The following RNF44 variants were observed in gnomAD, a reference collection of about 807,000 sequenced individuals.
RNF44 encodes ring finger protein 44.
RNF44 carries 25 observed loss-of-function variants against 53.6 expected under a neutral mutation model. That is an observed-to-expected ratio of 0.47 (90% confidence interval 0.34 to 0.65). The LOEUF (loss-of-function observed/expected upper bound fraction) is 0.65. Among genes scored for constraint, RNF44 ranks in the 30% least tolerant of loss-of-function variants. The pLI is 0.01. For synonymous variants in RNF44, 282 were observed against 252.2 expected (o/e 1.12, Z -1.12); for missense variants, 581 against 595.5 (o/e 0.98, Z 0.25).
At position 176,529,016 on chromosome 5, in the gene RNF44, G is replaced by A. The variant is rs572175854; in HGVS notation, c.*12C>T. 7.4e-5 allele frequency: 119 copies of A among 1,609,830 alleles called. 1 individual carries two copies. The South Asian group carries it at 7.9e-4, about 11-fold the overall frequency. On this transcript the variant is annotated 3_prime_UTR_variant, in exon 11 of 11. Coordinates refer to ENST00000274811, the MANE Select transcript of RNF44 (RefSeq NM_014901.5). ...TCAGGCAGGGTTCTCCCGGGCAGGC[G>A]GCTGCGTGGCCTCACTCAGCCTCCC... is the stretch of plus-strand genomic sequence containing the variant.
At chr5:176,533,815 T>C (rs1238355074) in intron 1 of RNF44, among the ~76,000 whole-genome samples, 1 of 152,214 alleles carries the variant, frequency 6.6e-6, no homozygotes, top group South Asian at 2.1e-4. Flanking sequence ...GGAAAAGCTC[T>C]AGAACCTGTC....
chr5:176,534,950 C>T (rs1460248688), intron 1 of RNF44, among the ~76,000 whole-genome samples: 1 of 152,242 alleles, frequency 6.6e-6, no homozygotes, highest in Non-Finnish European at 1.5e-5. Flanking sequence ...TGAGTAGTGC[C>T]AGGCCCAAGG....
In RNF44 at chr5:176,532,763, A is replaced by AAG. The variant is rs1554138173; in HGVS notation, c.-44-248_-44-247insCT. On this transcript the variant is annotated intron_variant, in intron 1 of 10. Transcript: ENST00000274811. Reference sequence around the variant, plus strand: ...CTCCCGTCTCAAAAAAAAAAAAAAAAAAAGAAAGAAACTGAGGCACAGAGA... The same window carrying AAG: ...CTCCCGTCTCAAAAAAAAAAAAAAAAAGAAAGAAAGAAACTGAGGCACAGAGA... Among the ~76,000 whole-genome samples, 130 of 141,940 alleles carry AAG rather than the reference A, an allele frequency of 9.2e-4. 1 individual carries two copies. The highest frequency in any genetic ancestry group is 3.5e-3 in the African/African-American group (124 of 35,480). 93.1% of individuals were successfully genotyped at this position (141,940 alleles called of 152,430 possible).
At chr5:176,536,086 G>C (rs765606198) in intron 1 of RNF44, 1 of 152,270 alleles carries the variant, frequency 6.6e-6, no homozygotes, top group Non-Finnish European at 1.5e-5. Flanking sequence ...CTGGGGGCAT[G>C]AGCAGACTCA....
Position 176,531,608 on chromosome 5 carries a change from A to G in RNF44, c.320T>C (p.Leu107Pro). Reference sequence around the variant, plus strand: ...CGTCACTGTGGTGACCGTGTAGGACAGAGGGACAGGTCCCTGGTGCACCTG... The same window carrying G: ...CGTCACTGTGGTGACCGTGTAGGACGGAGGGACAGGTCCCTGGTGCACCTG... ...HEQVHQGPVP[L>P]SYTVTTVTTQ... Residue 107 changes from leucine (L) to proline (P), a missense_variant, in exon 4 of 11, where the codon CTG becomes CCG. Physicochemically the swap from Leu to Pro is moderately conservative, Grantham distance 98. Coordinates refer to ENST00000274811, the MANE Select transcript of RNF44 (RefSeq NM_014901.5). This position sits in a 1 kb window ranked among gnomAD's most constrained non-coding sequence, Gnocchi z 4.2. 6.2e-7 allele frequency: 1 copy of G among 1,612,126 alleles called. No individual in the cohort carries two copies. Among genetic ancestry groups the G allele is most frequent in the South Asian group, 1.1e-5 (1 of 90,932 alleles).
chr5:176,540,212 G>T (rs1191139739), upstream of RNF44, among the ~76,000 whole-genome samples: 2 of 152,098 alleles, frequency 1.3e-5, no homozygotes, highest in African/African-American at 2.4e-5. Flanking sequence ...TTTTAAGTGC[G>T]CAGACGTCCA....
Position 176,530,016 on chromosome 5 carries a change from T to C in RNF44, c.926+66A>G, listed in dbSNP as rs369545762. On this transcript the variant is annotated intron_variant, in intron 7 of 10. Transcript: ENST00000274811. ...TGGGGCCCCTGGAGCTGTGTTTAGGTCTAACCACTGGAGGTTCCAGGAGAA... is the reference window on the plus strand; with the variant it reads ...TGGGGCCCCTGGAGCTGTGTTTAGGCCTAACCACTGGAGGTTCCAGGAGAA... 6 of 1,466,976 alleles carry C rather than the reference T, an allele frequency of 4.1e-6. No homozygotes were observed. The African/African-American group carries it at 7.1e-5, about 17-fold the overall frequency. 90.9% of individuals were successfully genotyped at this position (1,466,976 alleles called of 1,614,324 possible). A position where few individuals can be genotyped will look rare whatever the true frequency, so the allele number is the denominator to read the frequency against.
rs1056758934 is a variant in RNF44 at position 176,531,483 on chromosome 5, G to A, written c.445C>T (p.Leu149Phe). Residue 149 changes from leucine to phenylalanine, a missense_variant, in exon 4 of 11, where the codon CTC becomes TTC. By Grantham distance (22) the Leu-to-Phe change is conservative. Around this residue, in one of 3 missense-constraint regions of RNF44, gnomAD observed 387 missense variants for 366.0 expected, o/e 1.06. Transcript: ENST00000274811. This position sits in a 1 kb window ranked among gnomAD's most constrained non-coding sequence, Gnocchi z 4.2. ...SVMFSGQHYP[L>F]CCLPPPLIQA... ...CTCACCGGGGGCGGGAGGCAGCAGA[G>A]GGGGTAATGCTGCCCACTGAACATC... 4 of 1,573,972 alleles carry A rather than the reference G, an allele frequency of 2.5e-6. No homozygotes were observed. The highest frequency in any genetic ancestry group is 1.9e-5 in the Admixed American group (1 of 53,410).
rs1368449877 is a variant in RNF44 at position 176,529,098 on chromosome 5, A to C, written c.1237-8T>G. ...GGGACACGTCCGGTTGGCCTGTGGG[A>C]ACATGCACGTCAGGCGTTGCTCTCA... On this transcript the variant is annotated splice_polypyrimidine_tract_variant and splice_region_variant and intron_variant, in intron 10 of 10. Transcript: ENST00000274811. 3 of 1,613,000 alleles carry C rather than the reference A, an allele frequency of 1.9e-6. No homozygotes were observed. Among genetic ancestry groups the C allele is most frequent in the Admixed American group, 1.7e-5 (1 of 59,982 alleles).
At chr5:176,538,222 A>G (rs1215698398), upstream of RNF44, among the ~76,000 whole-genome samples, 1 of 152,222 alleles carries the variant, frequency 6.6e-6, no homozygotes, top group Non-Finnish European at 1.5e-5. Flanking sequence ...AGCCAGGGAA[A>G]CTGGGAACTA....
intron 1 of RNF44, among the ~76,000 whole-genome samples, chr5:176,533,118 G>T (rs529234602): frequency 7.2e-5 from 11 of 152,156 alleles, no homozygotes; most frequent in Non-Finnish European, 1.5e-4. Flanking sequence ...TTACACCAGG[G>T]GCTACAACTT....
At position 176,531,857 on chromosome 5, in the gene RNF44, C is replaced by T. The variant is rs958798817; in HGVS notation, c.297+147G>A. On this transcript the variant is annotated intron_variant, in intron 3 of 10. Transcript: ENST00000274811. The surrounding 1 kb of genome is among the most constrained non-coding windows in gnomAD (Gnocchi z 4.2). ...CACCCAGTGTGGCCCTTTCCCCGGGCCTCAGTTTACCTACCTGTAAAGCAG... is the reference window on the plus strand; with the variant it reads ...CACCCAGTGTGGCCCTTTCCCCGGGTCTCAGTTTACCTACCTGTAAAGCAG... 9 of 961,850 alleles carry T rather than the reference C, an allele frequency of 9.4e-6. No individual in the cohort carries two copies. The African/African-American group carries it at 1.5e-4, about 16-fold the overall frequency. The allele number at this position is 961,850 out of a possible 1,614,324, so 59.6% of individuals were successfully genotyped here.
rs1756129702 is a variant in RNF44 at position 176,527,465 on chromosome 5, T to A, written c.*1563A>T. On this transcript the variant is annotated 3_prime_UTR_variant, in exon 11 of 11. Transcript: ENST00000274811. ...GGAAGGGAGGGGTTGGAGAGGGTGG[T>A]TCTGTGTAAAACACGTGGGTTTTCA... The A allele has an allele frequency of 6.6e-6, 1 of 152,512 alleles. No individual in the cohort carries two copies. Among genetic ancestry groups the A allele is most frequent in the Non-Finnish European group, 1.5e-5 (1 of 68,042 alleles). The allele number at this position is 152,512 out of a possible 1,614,324, so 9.4% of individuals were successfully genotyped here.
rs1756649962 is a variant in RNF44 at position 176,531,441 on chromosome 5, G to A, written c.465+22C>T. 6.5e-7 allele frequency: 1 copy of A among 1,543,324 alleles called. No individual in the cohort carries two copies. The highest frequency in any genetic ancestry group is 8.7e-7 in the Non-Finnish European group (1 of 1,144,068). ...CCTGGGGCTTGCAGCTGGTGGAGGA[G>A]GAGCTAGAAACACTCACTCACCGGG... is the stretch of plus-strand genomic sequence containing the variant. On this transcript the variant is annotated intron_variant, in intron 4 of 10. Transcript: ENST00000274811. The surrounding 1 kb of genome is among the most constrained non-coding windows in gnomAD (Gnocchi z 4.2).
rs973535465 is a variant in RNF44, at chr5:176,528,389, C to T, written c.*639G>A. ...GCCCCTCAGGATACGTGTGCCCCAG[C>T]TCGGGATTAGGCTGGGACGCCCTCC... On this transcript the variant is annotated 3_prime_UTR_variant, in exon 11 of 11. Transcript: ENST00000274811. The T allele has an allele frequency of 6.6e-6, 1 of 152,380 alleles. No homozygotes were observed. Among genetic ancestry groups the T allele is most frequent in the African/African-American group, 2.4e-5 (1 of 41,412 alleles). 9.4% of individuals were successfully genotyped at this position (152,380 alleles called of 1,614,324 possible).
Position 176,531,384 on chromosome 5 carries a change from C to A in RNF44, c.465+79G>T. On this transcript the variant is annotated intron_variant, in intron 4 of 10. Transcript: ENST00000274811. This position sits in a 1 kb window ranked among gnomAD's most constrained non-coding sequence, Gnocchi z 4.2. Reference sequence around the variant, plus strand: ...CTGGATAGCTCAGCCCAGTTCAGGGCTGCCCTGGGCCCGCTGAGCCGCTGG... The same window carrying A: ...CTGGATAGCTCAGCCCAGTTCAGGGATGCCCTGGGCCCGCTGAGCCGCTGG... The A allele has an allele frequency of 7.1e-7, 1 of 1,417,420 alleles. No homozygotes were observed. Among genetic ancestry groups the A allele is most frequent in the Non-Finnish European group, 9.5e-7 (1 of 1,053,498 alleles). 87.8% of individuals were successfully genotyped at this position (1,417,420 alleles called of 1,614,324 possible).
chr5:176,534,849 C>T (rs1757015396), intron 1 of RNF44, among the ~76,000 whole-genome samples: 1 of 152,366 alleles, frequency 6.6e-6, no homozygotes, highest in African/African-American at 2.4e-5. Flanking sequence ...AGGTGCATGA[C>T]CTAAGCAGTC....
At chr5:176,530,806 C>A (rs918392323) in intron 5 of RNF44, 42 bp downstream of exon 5, 4 of 1,465,098 alleles carry the variant, frequency 2.7e-6, no homozygotes, top group Non-Finnish European at 2.7e-6. Flanking sequence ...CCTGCCTCCC[C>A]CCACGCCATC....
chr5:176,538,599 G>C (rs967981412), upstream of RNF44, among the ~76,000 whole-genome samples: 1 of 152,208 alleles, frequency 6.6e-6, no homozygotes, highest in South Asian at 2.1e-4. Context: ...ACCACAAAGA[G>C]GCAGCTGGAG....
Sources: gnomAD v4.1 joint callset for allele counts (sites outside exome capture counted in the v4.1 genomes callset) on GRCh38, gnomAD v4.1.1 for gene constraint, gnomAD v4.1.1 regional missense constraint, Gnocchi (gnomAD v3.1) non-coding constraint, MANE v1.5 for transcripts, NCBI Gene and HGNC (gene_info 2026-07-23, HGNC 2026-07-21) for gene names.